The following ADAM7 variants were observed in gnomAD, a reference collection of about 807,000 sequenced individuals.
The protein encoded by ADAM7 is disintegrin and metalloproteinase domain-containing protein 7.
ADAM7 carries 97 observed loss-of-function variants against 102.9 expected under a neutral mutation model. The observed-to-expected ratio is 0.94, with a 90% CI of 0.80 to 1.12. ADAM7 has a LOEUF of 1.12. Ranked by LOEUF, ADAM7 falls within the 50% of genes most tolerant of loss-of-function variation. ADAM7 has a pLI of 0.00. For synonymous variants in ADAM7, 334 were observed against 304.4 expected, an observed-to-expected ratio of 1.10 and a Z score of -1.01; for missense variants, 991 against 908.7, an observed-to-expected ratio of 1.09 and a Z score of -1.16.
chr8:24,495,405 A>G (rs1454321982), intron 16 of ADAM7, among the ~76,000 whole-genome samples: 1 of 152,182 alleles, frequency 6.6e-6, no homozygotes, highest in Admixed American at 6.5e-5. Context: ...AATGAAAAAA[A>G]TAGAAGGTCT....
rs756453175 is a variant in ADAM7 at position 24,487,355 on chromosome 8, T to C, written c.1091+38T>C. The C allele has an allele frequency of 3.1e-6, 5 of 1,601,316 alleles. No homozygotes were observed. In the Admixed American group the frequency reaches 6.7e-5, roughly 22 times the overall value. ...CAATGTACAGAATACACTTACATAA[T>C]TCAGAAGTGGGCTGGGCATGGTGGC... On this transcript the variant is annotated intron_variant, in intron 11 of 21. Transcript: ENST00000175238.
At chr8:24,467,951 G>C (rs556695824) in intron 6 of ADAM7, among the ~76,000 whole-genome samples, 1 of 152,172 alleles carries the variant, frequency 6.6e-6, no homozygotes, top group South Asian at 2.1e-4. Context: ...TGTAATCCCA[G>C]CTACTTGGGA....
intron 3 of ADAM7, among the ~76,000 whole-genome samples, chr8:24,450,843 A>T (rs1213419389): frequency 6.6e-6 from 1 of 152,140 alleles, no homozygotes; most frequent in Non-Finnish European, 1.5e-5. Context: ...TAATGTATTG[A>T]GAGTTTTTAG....
At chr8:24,504,057 AT>A (rs1348291766) in intron 20 of ADAM7, among the ~76,000 whole-genome samples, 5 of 149,026 alleles carry the variant, frequency 3.4e-5, no homozygotes, top group African/African-American at 1.3e-4. Context: ...ATAAAATAAA[AT>A]AAAATAAATA....
rs1364763212 is a variant in ADAM7, at chr8:24,466,971, G to C, written c.562G>C (p.Glu188Gln). 1.2e-6 allele frequency: 2 copies of C among 1,613,674 alleles called. No individual in the cohort carries two copies. The highest frequency in any genetic ancestry group is 1.7e-6 in the Non-Finnish European group (2 of 1,179,706). ...TGTTCCAGGGGATAATGAATCTGAA[G>C]AAGACTCCAAAATAAAAGTGAGTAC... ...KTVPGDNESEEDSKIKGIHDE... is the reference protein window; with the variant it reads ...KTVPGDNESEQDSKIKGIHDE... The change falls in exon 6 of 22, where the codon GAA becomes CAA. Residue 188 changes from glutamate to glutamine, a missense_variant. Glu to Gln is a conservative substitution (Grantham distance 29). Coordinates refer to ENST00000175238, the MANE Select transcript of ADAM7 (RefSeq NM_003817.4).
At chr8:24,448,868 G>A (rs534108983) in intron 3 of ADAM7, among the ~76,000 whole-genome samples, 3 of 151,982 alleles carry the variant, frequency 2.0e-5, no homozygotes, top group East Asian at 3.9e-4. Context: ...TGTTCTCATT[G>A]TTCAATTCCC....
At chr8:24,477,629 A>G (rs1480873485) in intron 8 of ADAM7, among the ~76,000 whole-genome samples, 2 of 148,742 alleles carry the variant, frequency 1.3e-5, no homozygotes, top group Admixed American at 1.4e-4. Context: ...AACTTCTGGG[A>G]TCTGTGATTT....
intron 16 of ADAM7, among the ~76,000 whole-genome samples, chr8:24,495,456 A>G (rs1204438512): frequency 6.6e-6 from 1 of 152,244 alleles, no homozygotes; most frequent in South Asian, 2.1e-4. Flanking sequence ...TATAAAATAT[A>G]AGAGCCAAAT....
chr8:24,508,228 TTCTAA>T (rs1204391831), intron 21 of ADAM7, among the ~76,000 whole-genome samples: 1 of 152,216 alleles, frequency 6.6e-6, no homozygotes, highest in East Asian at 1.9e-4. Context: ...GCAGGGCATT[TTCTAA>T]TGATCTTTCC....
intron 2 of ADAM7, among the ~76,000 whole-genome samples, chr8:24,444,207 A>G (rs958373001): frequency 6.6e-6 from 1 of 150,596 alleles, no homozygotes; most frequent in Non-Finnish European, 1.5e-5. Flanking sequence ...TATGACATGA[A>G]GTGTAAATAA....
chr8:24,500,327 C>T, intron 18 of ADAM7, 71 bp downstream of exon 18: 1 of 1,378,574 alleles, frequency 7.3e-7, no homozygotes, highest in African/African-American at 1.4e-5. Flanking sequence ...TCTTATTTTT[C>T]AAGTCTGCTA....
chr8:24,501,339 T>C, intron 19 of ADAM7, 138 bp from the exon 20 acceptor site: 1 of 589,936 alleles, frequency 1.7e-6, no homozygotes, highest in Non-Finnish European at 2.9e-6. Context: ...TAAAAAAGCA[T>C]TATTTCAATA....
intron 3 of ADAM7, among the ~76,000 whole-genome samples, chr8:24,456,154 A>T (rs1327131300): frequency 6.6e-6 from 1 of 152,154 alleles, no homozygotes. Flanking sequence ...GTCACTGGTG[A>T]CCACCATTTT....
At chr8:24,489,470 T>A (rs1820263265) in intron 12 of ADAM7, 137 bp downstream of exon 12, 1 of 818,226 alleles carries the variant, frequency 1.2e-6, no homozygotes. Flanking sequence ...ATTTTTATTT[T>A]GATTTTATAA....
At chr8:24,480,644 G>A (rs1166389734) in intron 8 of ADAM7, among the ~76,000 whole-genome samples, 2 of 152,090 alleles carry the variant, frequency 1.3e-5, no homozygotes, top group Non-Finnish European at 2.9e-5. Context: ...GTGTAGTTTT[G>A]TAAACGTAAA....
At chr8:24,464,041 C>G in intron 4 of ADAM7, 81 bp downstream of exon 4, 1 of 1,253,744 alleles carries the variant, frequency 8.0e-7, no homozygotes, top group Admixed American at 1.9e-5. Flanking sequence ...TCTAGCTGTA[C>G]AAGCTGTTTC....
At chr8:24,474,932 G>A (rs1819720298) in intron 7 of ADAM7, among the ~76,000 whole-genome samples, 1 of 152,064 alleles carries the variant, frequency 6.6e-6, no homozygotes, top group African/African-American at 2.4e-5. Flanking sequence ...GAAAGCAAGA[G>A]AAGGATAGAA....
At chr8:24,488,325 G>T (rs910839588) in intron 11 of ADAM7, among the ~76,000 whole-genome samples, 1 of 152,048 alleles carries the variant, frequency 6.6e-6, no homozygotes, top group Non-Finnish European at 1.5e-5. Flanking sequence ...CAAGCAGTCA[G>T]GTCCTAAGTT....
At chr8:24,465,119 T>G (rs957593286) in intron 4 of ADAM7, among the ~76,000 whole-genome samples, 1 of 152,178 alleles carries the variant, frequency 6.6e-6, no homozygotes, top group African/African-American at 2.4e-5. Context: ...TAAGTCTTCA[T>G]GCAATCTTCA....
Sources: gnomAD v4.1 joint callset for allele counts (sites outside exome capture counted in the v4.1 genomes callset) on GRCh38, gnomAD v4.1.1 for gene constraint, MANE v1.5 for transcripts, NCBI Gene and HGNC (gene_info 2026-07-23, HGNC 2026-07-21) for gene names.